EFNA5: variants seen among roughly 807,000 people sequenced by gnomAD.
EFNA5 encodes the protein ephrin A5.
EFNA5 carries 5 observed loss-of-function variants against 22.9 expected under a neutral mutation model. That is an observed-to-expected ratio of 0.22 (90% CI 0.11 to 0.46). The LOEUF (loss-of-function observed/expected upper bound fraction) is 0.46. EFNA5 is among the 20% of genes least tolerant of loss of function. The probability of loss-of-function intolerance (pLI) is 0.99; values close to 1 mark genes in which losing one functional copy is unlikely to be tolerated. For missense variants in EFNA5, 237 were observed against 293.3 expected, an observed-to-expected ratio of 0.81 and a Z score of 1.40; for synonymous variants, 113 against 112.2, an observed-to-expected ratio of 1.01 and a Z score of -0.04.
chr5:107,571,052 A>C (rs1748792771), intron 1 of EFNA5, among the ~76,000 whole-genome samples: 1 of 152,312 alleles, frequency 6.6e-6, no homozygotes, highest in South Asian at 2.1e-4. Context: ...CTCTCTCAAC[A>C]GGAAGTAGCA....
intron 1 of EFNA5, among the ~76,000 whole-genome samples, chr5:107,566,110 C>T (rs1017180240): frequency 2.0e-5 from 3 of 152,168 alleles, no homozygotes; most frequent in Non-Finnish European, 4.4e-5. Flanking sequence ...AGAAAAACTC[C>T]ACCTTATGGG....
chr5:107,409,470 G>A (rs567668623), intron 2 of EFNA5, among the ~76,000 whole-genome samples: 17 of 152,328 alleles, frequency 1.1e-4, no homozygotes, highest in Middle Eastern at 3.4e-3. Flanking sequence ...AAACTACTGA[G>A]TATTGCTAGG....
intron 1 of EFNA5, among the ~76,000 whole-genome samples, chr5:107,483,027 A>G (rs1750530066): frequency 6.6e-6 from 1 of 152,106 alleles, no homozygotes; most frequent in South Asian, 2.1e-4. Context: ...ACCTCGGGAA[A>G]ACAATTCGTA....
intron 4 of EFNA5, among the ~76,000 whole-genome samples, chr5:107,385,964 G>GA (rs1483364355): frequency 6.6e-6 from 1 of 152,010 alleles, no homozygotes; most frequent in Admixed American, 6.6e-5. Flanking sequence ...ATGCTTCAGG[G>GA]AAAAAACTCT....
chr5:107,569,559 T>TTTTATA (rs1313796140), intron 1 of EFNA5, among the ~76,000 whole-genome samples: 6 of 42,498 alleles, frequency 1.4e-4, no homozygotes, highest in Admixed American at 2.6e-4. Flanking sequence ...ATATATATAT[T>TTTTATA]TATATATATA....
At chr5:107,480,815 A>G (rs925502571) in intron 1 of EFNA5, among the ~76,000 whole-genome samples, 2 of 152,208 alleles carry the variant, frequency 1.3e-5, no homozygotes, top group African/African-American at 4.8e-5. Flanking sequence ...AGGCAAGTGG[A>G]AGGAACGAGC....
At chr5:107,439,827 A>G (rs948056999) in intron 1 of EFNA5, among the ~76,000 whole-genome samples, 7 of 152,186 alleles carry the variant, frequency 4.6e-5, no homozygotes, top group African/African-American at 1.4e-4. Flanking sequence ...CACATATTCC[A>G]TTTTACCTTT....
At chr5:107,395,056 C>T (rs1277780296) in intron 2 of EFNA5, among the ~76,000 whole-genome samples, 4 of 9,176 alleles carry the variant, frequency 4.4e-4, no homozygotes, top group African/African-American at 9.3e-4. Flanking sequence ...TTTTTTTCCG[C>T]GAGACAGTGT....
At chr5:107,487,380 T>C (rs918884329) in intron 1 of EFNA5, among the ~76,000 whole-genome samples, 1 of 152,220 alleles carries the variant, frequency 6.6e-6, no homozygotes, top group Non-Finnish European at 1.5e-5. Context: ...TTCCAATGGA[T>C]AGTGAGTTGC....
chr5:107,631,995 T>C (rs1334497784), intron 1 of EFNA5, among the ~76,000 whole-genome samples: 3 of 152,250 alleles, frequency 2.0e-5, no homozygotes, highest in Non-Finnish European at 4.4e-5. Context: ...AACAGACAGA[T>C]GCTGGCCACA....
intron 1 of EFNA5, among the ~76,000 whole-genome samples, chr5:107,558,405 A>G (rs988278984): frequency 2.6e-5 from 4 of 152,200 alleles, no homozygotes; most frequent in African/African-American, 9.7e-5. Context: ...TATATTCATT[A>G]AAGATTTCCA....
At chr5:107,670,404 T>G (rs1751167055) in intron 1 of EFNA5, 85 bp downstream of exon 1, 6 of 1,433,276 alleles carry the variant, frequency 4.2e-6, no homozygotes, top group Non-Finnish European at 5.5e-6. Context: ...CGCCAGCGGT[T>G]GGTGCGCGCC....
chr5:107,590,015 A>C (rs1345162131), intron 1 of EFNA5, among the ~76,000 whole-genome samples: 1 of 152,220 alleles, frequency 6.6e-6, no homozygotes, highest in African/African-American at 2.4e-5. Context: ...GAATTTACGT[A>C]AGACCAGAGA....
At chr5:107,556,294 C>T (rs1748413407) in intron 1 of EFNA5, among the ~76,000 whole-genome samples, 1 of 151,688 alleles carries the variant, frequency 6.6e-6, no homozygotes, top group Non-Finnish European at 1.5e-5. Flanking sequence ...GTTATATGTA[C>T]ACATTCTTAC....
At chr5:107,579,504 A>C (rs1748996860) in intron 1 of EFNA5, among the ~76,000 whole-genome samples, 1 of 152,128 alleles carries the variant, frequency 6.6e-6, no homozygotes, top group Admixed American at 6.5e-5. Context: ...AGGCTCCAAG[A>C]AACATATAGT....
chr5:107,587,583 C>A (rs1017881976), intron 1 of EFNA5, among the ~76,000 whole-genome samples: 1 of 152,202 alleles, frequency 6.6e-6, no homozygotes, highest in Non-Finnish European at 1.5e-5. Flanking sequence ...GTGGCGCGAT[C>A]TTGGCTCACT....
At chr5:107,544,560 C>T (rs1201575102) in intron 1 of EFNA5, among the ~76,000 whole-genome samples, 1 of 152,116 alleles carries the variant, frequency 6.6e-6, no homozygotes, top group East Asian at 1.9e-4. Context: ...TTGGAAAAAG[C>T]AAATGATGAA....
intron 1 of EFNA5, among the ~76,000 whole-genome samples, chr5:107,657,055 G>A (rs561781097): frequency 6.6e-6 from 1 of 151,944 alleles, no homozygotes; most frequent in Non-Finnish European, 1.5e-5. Flanking sequence ...ATCTGTATAG[G>A]AACATATATT....
chr5:107,404,899 G>A lies in EFNA5; in HGVS notation c.419-17128C>T, dbSNP rs570807205. Among the ~76,000 whole-genome samples the A allele has an allele frequency of 3.3e-5, 5 of 152,278 alleles. No homozygotes were observed. The South Asian group carries it at 6.2e-4, about 19-fold the overall frequency. ...AAAAAGCTGCATGGTGATTTTGCCC[G>A]CAGAGACATGCCCTATGCATATTTT... On this transcript the variant is annotated intron_variant, in intron 2 of 4. Coordinates refer to ENST00000333274, the MANE Select transcript of EFNA5 (RefSeq NM_001962.3).
Sources: allele counts gnomAD v4.1 joint callset (sites outside exome capture counted in the v4.1 genomes callset), GRCh38; gene constraint gnomAD v4.1.1; transcripts MANE v1.5; gene names NCBI Gene and HGNC (gene_info 2026-07-23, HGNC 2026-07-21).